RAB37: variants seen among roughly 807,000 people sequenced by gnomAD.
RAB37 encodes RAB37, member RAS oncogene family.
A neutral mutation model predicts 33.1 loss-of-function variants in RAB37; 29 were observed. The observed-to-expected ratio is 0.88, with a 90% CI of 0.65 to 1.20. RAB37 has a LOEUF of 1.20. Among genes scored for constraint, RAB37 ranks in the 50% most tolerant of loss-of-function variants. RAB37 has a pLI of 0.00. For synonymous variants in RAB37, 128 were observed against 119.5 expected, an observed-to-expected ratio of 1.07 and a Z score of -0.47; for missense variants, 299 against 301.1, an observed-to-expected ratio of 0.99 and a Z score of 0.05.
intron 1 of RAB37, among the ~76,000 whole-genome samples, chr17:74,685,443 C>T (rs986864228): frequency 6.6e-6 from 1 of 152,190 alleles, no homozygotes; most frequent in Non-Finnish European, 1.5e-5. Flanking sequence ...CTGCCTTGGC[C>T]TCCCAAAGTT....
chr17:74,744,255 G>A lies in RAB37; in HGVS notation c.367-53G>A. ...AGGATAGTCAAACGGAGCAGAAGAA[G>A]AAAGGGGCAGCAGGAGGAAGAGAAT... On this transcript the variant is annotated intron_variant, in intron 5 of 8. Transcript: ENST00000392613. The surrounding 1 kb of genome is among the most constrained non-coding windows in gnomAD (Gnocchi z 4.2). 1.3e-6 allele frequency: 2 copies of A among 1,551,272 alleles called. No individual in the cohort carries two copies. Among genetic ancestry groups the A allele is most frequent in the Non-Finnish European group, 1.8e-6 (2 of 1,130,018 alleles).
intron 1 of RAB37, among the ~76,000 whole-genome samples, chr17:74,687,287 G>A (rs909638917): frequency 2.6e-5 from 4 of 151,720 alleles, no homozygotes; most frequent in South Asian, 2.1e-4. Flanking sequence ...GCAATGGCAC[G>A]ATCTTGGCTC....
chr17:74,741,587 G>GAAAAAA (rs535783718), intron 2 of RAB37, among the ~76,000 whole-genome samples: 24 of 127,166 alleles, frequency 1.9e-4, no homozygotes, highest in Middle Eastern at 4.1e-3. Context: ...CTGCGTCTCA[G>GAAAAAA]AAAAAAAAAA....
At chr17:74,673,419 GA>G (rs869113081) in intron 1 of RAB37, among the ~76,000 whole-genome samples, 2 of 127,032 alleles carry the variant, frequency 1.6e-5, no homozygotes, top group Non-Finnish European at 3.4e-5. Context: ...AAAAAAAAAA[GA>G]AAAAAAAAGT....
In RAB37 at chr17:74,743,245, C is replaced by A. The variant is rs373936596; in HGVS notation, c.314-43C>A. On this transcript the variant is annotated intron_variant, in intron 4 of 8. Coordinates refer to ENST00000392613, the MANE Select transcript of RAB37 (RefSeq NM_001006638.3). The stretch of plus-strand genomic sequence containing the variant: ...CCTACCCCAGCCCCTTGGTAGCATC[C>A]GTGCTGCTGCCTAAGTCCCCTCTGT... The A allele has an allele frequency of 2.5e-6, 4 of 1,613,506 alleles. No individual in the cohort carries two copies. In the Admixed American group the frequency reaches 6.7e-5, roughly 27 times the overall value.
chr17:74,679,211 T>C (rs2031903271), intron 1 of RAB37, among the ~76,000 whole-genome samples: 1 of 152,170 alleles, frequency 6.6e-6, no homozygotes, highest in Non-Finnish European at 1.5e-5. Context: ...ACTCTGTTTA[T>C]TAAAAATCGG....
rs559205174 is a variant in RAB37 at position 74,724,145 on chromosome 17, C to T, written c.73-5111C>T. On this transcript the variant is annotated intron_variant, in intron 1 of 7. Transcript: ENST00000340415. ...ATGACACAGCCTCAGGAAGTCCTGA[C>T]GACATGTGGCCAAGGTGGTCAGGGC... Among the ~76,000 whole-genome samples the T allele has an allele frequency of 8.1e-4, 124 of 152,274 alleles. 2 individuals are homozygous for T. The Middle Eastern group carries it at 0.014, about 17-fold the overall frequency.
chr17:74,698,318 T>C (rs1598215046), intron 1 of RAB37: 1 of 1,302,136 alleles, frequency 7.7e-7, no homozygotes, highest in Non-Finnish European at 1.1e-6. Flanking sequence ...AGATGCCACA[T>C]CCCCAGCCAC....
intron 1 of RAB37, among the ~76,000 whole-genome samples, chr17:74,706,727 G>A (rs1310611519): frequency 1.3e-5 from 2 of 152,170 alleles, no homozygotes; most frequent in African/African-American, 4.8e-5. Context: ...CAACGGCGCG[G>A]ACAGAGGGCC....
At chr17:74,737,030 G>A, upstream of RAB37, 1 of 1,606,718 alleles carries the variant, frequency 6.2e-7, no homozygotes, top group Non-Finnish European at 8.5e-7. Context: ...TGTCCGAAGC[G>A]CACGGAGCCG....
rs143322617 is a variant in RAB37, at chr17:74,732,023, CA to C, written c.183+2670del. On this transcript the variant is annotated intron_variant, in intron 2 of 7. Transcript: ENST00000340415. ...AGACTCCATCTCAAAACAACAACAA[CA>C]AAAAAAAAAAAACACCTCACTCTGC... Among the ~76,000 whole-genome samples the C allele has an allele frequency of 2.3e-3, 327 of 139,552 alleles. 1 individual carries two copies. Among genetic ancestry groups the C allele is most frequent in the South Asian group, 0.02 (85 of 4,350 alleles). 91.6% of individuals were successfully genotyped at this position (139,552 alleles called of 152,430 possible).
intron 1 of RAB37, among the ~76,000 whole-genome samples, chr17:74,674,803 C>A (rs1383377790): frequency 6.6e-6 from 1 of 152,222 alleles, no homozygotes; most frequent in African/African-American, 2.4e-5. Flanking sequence ...AGAACCTTGT[C>A]AGCTTCCCAA....
chr17:74,696,276 C>A, intron 1 of RAB37: 1 of 1,551,718 alleles, frequency 6.4e-7, no homozygotes, highest in East Asian at 2.3e-5. Flanking sequence ...CACAAGAACC[C>A]CCAGGTCTAG....
chr17:74,719,599 G>A (rs1202430103), intron 1 of RAB37, among the ~76,000 whole-genome samples: 1 of 152,008 alleles, frequency 6.6e-6, no homozygotes, highest in African/African-American at 2.4e-5. Flanking sequence ...CTGTAATTCT[G>A]GAAAATCTCC....
chr17:74,708,744 G>C (rs539934575), intron 1 of RAB37, among the ~76,000 whole-genome samples: 1 of 152,042 alleles, frequency 6.6e-6, no homozygotes, highest in Non-Finnish European at 1.5e-5. Flanking sequence ...GTGAAACCCT[G>C]TCTCTACTAA....
At position 74,745,263 on chromosome 17, in the gene RAB37, C is replaced by G. The variant is rs769402992; in HGVS notation, c.567-43C>G. On this transcript the variant is annotated intron_variant, in intron 8 of 8. Coordinates refer to ENST00000392613, the MANE Select transcript of RAB37 (RefSeq NM_001006638.3). The surrounding 1 kb of genome is among the most constrained non-coding windows in gnomAD (Gnocchi z 4.5). Reference sequence around the variant, plus strand: ...GAGGGGGCGGCTCAGCTCCTCACCCCAGCCCAGCCCAGCCCAGCCCAGCCC... The same window carrying G: ...GAGGGGGCGGCTCAGCTCCTCACCCGAGCCCAGCCCAGCCCAGCCCAGCCC... The G allele has an allele frequency of 6.4e-7, 1 of 1,561,094 alleles. No individual in the cohort carries two copies. The highest frequency in any genetic ancestry group is 1.4e-5 in the African/African-American group (1 of 73,820).
At position 74,671,682 on chromosome 17, in the gene RAB37, A is replaced by G. The variant is rs1315013289; in HGVS notation, c.72+24A>G. 4 of 1,610,264 alleles carry G rather than the reference A, an allele frequency of 2.5e-6. No homozygotes were observed. The highest frequency in any genetic ancestry group is 1.1e-5 in the South Asian group (1 of 91,002). ...AGGTAAACATCTCCTGTATTCCTCA[A>G]CCTAACGTTGGAAGAGGCGCCAGCA... is the stretch of plus-strand genomic sequence containing the variant. On this transcript the variant is annotated intron_variant, in intron 1 of 7. Transcript: ENST00000340415. The surrounding 1 kb of genome is among the most constrained non-coding windows in gnomAD (Gnocchi z 5.0).
intron 1 of RAB37, chr17:74,695,342 G>T (rs934073471): frequency 1.4e-6 from 2 of 1,475,308 alleles, no homozygotes; most frequent in Non-Finnish European, 1.9e-6. Context: ...AGTGGGGATG[G>T]ACCATTCAGG....
chr17:74,742,211 A>C lies in RAB37; in HGVS notation c.205-43A>C. 1 of 1,607,972 alleles carries C rather than the reference A, an allele frequency of 6.2e-7. No homozygotes were observed. Among genetic ancestry groups the C allele is most frequent in the East Asian group, 2.2e-5 (1 of 44,644 alleles). ...AGGACGTCTGCAGAGCTGAGGAGCCACATGACTCCTGCCCTCCCATCCTCT... is the reference window on the plus strand; with the variant it reads ...AGGACGTCTGCAGAGCTGAGGAGCCCCATGACTCCTGCCCTCCCATCCTCT... On this transcript the variant is annotated intron_variant, in intron 2 of 8. Coordinates refer to ENST00000392613, the MANE Select transcript of RAB37 (RefSeq NM_001006638.3). The surrounding 1 kb of genome is among the most constrained non-coding windows in gnomAD (Gnocchi z 4.0).
Sources: allele counts gnomAD v4.1 joint callset (sites outside exome capture counted in the v4.1 genomes callset), GRCh38; gene constraint gnomAD v4.1.1; non-coding constraint Gnocchi (gnomAD v3.1); transcripts MANE v1.5; gene names NCBI Gene and HGNC (gene_info 2026-07-23, HGNC 2026-07-21).